ANKRD30B: variants seen among roughly 807,000 people sequenced by gnomAD.
The protein encoded by ANKRD30B is ankyrin repeat domain-containing protein 30B.
In ANKRD30B, 144 loss-of-function variants were observed where a neutral mutation model predicts 202.2. The observed-to-expected ratio is 0.71, with a 90% CI of 0.62 to 0.82. The LOEUF (loss-of-function observed/expected upper bound fraction) is 0.82, where lower values mean the gene tolerates loss of function less well. ANKRD30B is among the 40% of genes least tolerant of loss of function. The pLI is 0.00. For missense variants in ANKRD30B, 1,487 were observed against 1,669.1 expected, an observed-to-expected ratio of 0.89 and a Z score of 1.90; for synonymous variants, 508 against 561.3, an observed-to-expected ratio of 0.91 and a Z score of 1.34.
the ANKRD30B span, among the ~76,000 whole-genome samples, chr18:14,865,451 C>T: frequency 3.3e-5 from 5 of 151,788 alleles, no homozygotes; most frequent in East Asian, 2.0e-4. Flanking sequence ...CTCTCCCCAC[C>T]GTATTTTTGC....
At chr18:14,749,500 C>A (rs1344210690) in intron 1 of ANKRD30B, among the ~76,000 whole-genome samples, 1 of 151,486 alleles carries the variant, frequency 6.6e-6, no homozygotes. Flanking sequence ...GGTGAAACAC[C>A]GTCTCTACAA....
chr18:14,824,291 AT>A (rs986955379), intron 32 of ANKRD30B, among the ~76,000 whole-genome samples: 5 of 152,210 alleles, frequency 3.3e-5, no homozygotes, highest in Non-Finnish European at 5.9e-5. Flanking sequence ...AAGTGGGAAT[AT>A]TTACTGCTTC....
At chr18:14,896,462 A>G in the ANKRD30B span, among the ~76,000 whole-genome samples, 80,725 of 150,460 alleles carry the variant, frequency 0.54, 22,141 homozygotes, top group African/African-American at 0.63. Flanking sequence ...AAATCTAAAA[A>G]TGTTCTAAAA....
rs901178705 is a variant in ANKRD30B at position 14,809,301 on chromosome 18, G to A, written c.2386+557G>A. The stretch of plus-strand genomic sequence containing the variant: ...GTGTGCATCGGTAATTTCTAACAGA[G>A]CCTTAAAAAAGAAACACAGTCTTTC... On this transcript the variant is annotated intron_variant, in intron 26 of 43. Transcript: ENST00000690538. Among the ~76,000 whole-genome samples, 3 of 150,904 alleles carry A rather than the reference G, an allele frequency of 2.0e-5. 1 individual carries two copies. Among genetic ancestry groups the A allele is most frequent in the Admixed American group, 1.3e-4 (2 of 15,216 alleles).
chr18:14,782,656 T>G, intron 12 of ANKRD30B, 42 bp downstream of exon 12: 2 of 1,364,382 alleles, frequency 1.5e-6, no homozygotes, highest in Non-Finnish European at 2.0e-6. Flanking sequence ...TAACCATATG[T>G]TTGTCTAAAC....
intron 5 of ANKRD30B, chr18:14,759,092 A>C (rs1426573350): frequency 1.3e-5 from 2 of 152,192 alleles, no homozygotes; most frequent in Non-Finnish European, 2.9e-5. Context: ...GAAGGCATTC[A>C]ATAGACTTCA....
the ANKRD30B span, chr18:14,888,661 G>C: frequency 2.1e-6 from 1 of 467,810 alleles, no homozygotes; most frequent in Non-Finnish European, 3.6e-6. Context: ...TCCACTTAAA[G>C]AAATCTCCCT....
intron 10 of ANKRD30B, 146 bp downstream of exon 10, chr18:14,778,221 C>T: frequency 3.2e-6 from 2 of 620,108 alleles, no homozygotes; most frequent in Non-Finnish European, 2.9e-6. Flanking sequence ...TGTGTCTTCT[C>T]AGGTGTTGAC....
chr18:14,767,518 G>GT (rs1916437330), intron 7 of ANKRD30B, among the ~76,000 whole-genome samples: 3 of 152,144 alleles, frequency 2.0e-5, no homozygotes, highest in South Asian at 4.1e-4. Flanking sequence ...TGTGATGACT[G>GT]TGAGATGATA....
chr18:14,831,422 A>G lies in ANKRD30B; in HGVS notation c.2814A>G (p.Thr938=). The change falls in exon 34 of 44, where the codon ACA becomes ACG. Residue 938 remains threonine, a synonymous_variant. Coordinates refer to ENST00000690538, the MANE Select transcript of ANKRD30B (RefSeq NM_001367607.2). ...GKPTTENSQS[T]KVEEDFNLTT... is the part of the protein sequence containing the mutation. ...CGACTACTGAAAATTCACAGTCTAC[A>G]AAAGTTGAGGAAGACTTTAATCTTA... The G allele has an allele frequency of 6.5e-7, 1 of 1,534,572 alleles. No homozygotes were observed. The highest frequency in any genetic ancestry group is 8.8e-7 in the Non-Finnish European group (1 of 1,139,238).
the ANKRD30B span, among the ~76,000 whole-genome samples, chr18:14,868,855 C>T: frequency 6.6e-6 from 1 of 152,280 alleles, no homozygotes; most frequent in Non-Finnish European, 1.5e-5. Flanking sequence ...AGGAGGGCTT[C>T]TATGGCCAGG....
intron 36 of ANKRD30B, among the ~76,000 whole-genome samples, chr18:14,839,152 A>G (rs1971302188): frequency 6.6e-6 from 1 of 152,248 alleles, no homozygotes; most frequent in African/African-American, 2.4e-5. Flanking sequence ...ATCCAAGATG[A>G]AAGATTATGC....
intron 15 of ANKRD30B, among the ~76,000 whole-genome samples, chr18:14,787,566 G>T (rs1161426125): frequency 6.6e-6 from 1 of 152,134 alleles, no homozygotes; most frequent in Admixed American, 6.5e-5. Flanking sequence ...TATCTTTATT[G>T]TTCAGTATAG....
chr18:14,906,619 C>CT, the ANKRD30B span, among the ~76,000 whole-genome samples: 9 of 151,862 alleles, frequency 5.9e-5, no homozygotes, highest in Non-Finnish European at 1.3e-4. Flanking sequence ...ACCACTTTCT[C>CT]TTTTTTTTGC....
chr18:14,791,512 A>C, intron 16 of ANKRD30B, 21 bp downstream of exon 16: 1 of 1,576,056 alleles, frequency 6.3e-7, no homozygotes, highest in Non-Finnish European at 8.7e-7. Flanking sequence ...TTTTTTAATT[A>C]AAAAGTCATT....
At position 14,853,811 on chromosome 18, in the gene ANKRD30B, C is replaced by A. The variant is rs1971983944; in HGVS notation, c.4479C>A (p.Val1493=). The change falls in exon 43 of 44, where the codon GTC becomes GTA. Residue 1493 remains valine (V), a splice_region_variant and synonymous_variant. Transcript: ENST00000690538. ...QYEKEKAERE[V]IVRQLQKKLA... ...AAATCAAAAACATGTCTTTTCAGGT[C>A]ATTGTGAGACAACTTCAAAAAAAAT... is the stretch of plus-strand genomic sequence containing the variant. Among the ~76,000 whole-genome samples the A allele has an allele frequency of 6.6e-6, 1 of 152,080 alleles. No homozygotes were observed. Among genetic ancestry groups the A allele is most frequent in the African/African-American group, 2.4e-5 (1 of 41,404 alleles).
chr18:14,755,182 CAG>C (rs1567978159), intron 4 of ANKRD30B, among the ~76,000 whole-genome samples, 177 bp downstream of exon 4: 1 of 152,048 alleles, frequency 6.6e-6, no homozygotes, highest in East Asian at 1.9e-4. Context: ...ACATAAAAAA[CAG>C]TGTATAGTAG....
chr18:14,799,967 ATGCC>A (rs1314211134), intron 22 of ANKRD30B, among the ~76,000 whole-genome samples: 16 of 152,034 alleles, frequency 1.1e-4, no homozygotes, highest in Non-Finnish European at 1.5e-5. Context: ...ACGGTGGCAC[ATGCC>A]TGTAATCCTG....
intron 14 of ANKRD30B, among the ~76,000 whole-genome samples, chr18:14,786,589 A>C (rs1341596929): frequency 6.6e-6 from 1 of 152,242 alleles, no homozygotes; most frequent in Non-Finnish European, 1.5e-5. Context: ...ATATTCCTAA[A>C]AAATTTTATT....
Sources: allele counts gnomAD v4.1 joint callset (sites outside exome capture counted in the v4.1 genomes callset), GRCh38; gene constraint gnomAD v4.1.1; transcripts MANE v1.5; gene names NCBI Gene and HGNC (gene_info 2026-07-23, HGNC 2026-07-21).